INPP4A: variants seen among roughly 807,000 people sequenced by gnomAD.
The protein encoded by INPP4A is inositol polyphosphate-4-phosphatase, type I, 107kD.
A neutral mutation model predicts 119.8 loss-of-function variants in INPP4A; 33 were observed. That is an observed-to-expected ratio of 0.28 (90% CI 0.21 to 0.37). The LOEUF is 0.37. Ranked by LOEUF, INPP4A falls within the 10% of genes least tolerant of loss-of-function variation. INPP4A has a pLI of 1.00. For missense variants in INPP4A, 956 were observed against 1,289.9 expected (o/e 0.74, Z 3.97); for synonymous variants, 496 against 500.7 (o/e 0.99, Z 0.12).
chr2:98,474,702 A>C (rs1251642524), intron 1 of INPP4A, among the ~76,000 whole-genome samples: 1 of 152,216 alleles, frequency 6.6e-6, no homozygotes, highest in Non-Finnish European at 1.5e-5. Context: ...CTCTTTGCAG[A>C]TTGCCATCAG....
rs912745882 is a variant in INPP4A, at chr2:98,518,999, C to T, written c.-130C>T. 6.6e-6 allele frequency: 1 copy of T among 152,166 alleles called. No homozygotes were observed. Among genetic ancestry groups the T allele is most frequent in the Non-Finnish European group, 1.5e-5 (1 of 68,044 alleles). 9.4% of individuals were successfully genotyped at this position (152,166 alleles called of 1,614,324 possible). On this transcript the variant is annotated 5_prime_UTR_variant, in exon 2 of 25. Coordinates refer to ENST00000409851, the MANE Select transcript of INPP4A (RefSeq NM_001134225.2). Reference sequence around the variant, plus strand: ...TGGACATGCTTCTATGAAGAAATGCCACATGGTCCGAGAGCAAACATGTCC... The same window carrying T: ...TGGACATGCTTCTATGAAGAAATGCTACATGGTCCGAGAGCAAACATGTCC...
At chr2:98,479,857 A>G (rs1458661800) in intron 1 of INPP4A, among the ~76,000 whole-genome samples, 1 of 152,198 alleles carries the variant, frequency 6.6e-6, no homozygotes, top group Non-Finnish European at 1.5e-5. Context: ...TGTCTGGTAC[A>G]GGGGTCAGCT....
At chr2:98,529,517 C>T (rs1559013183) in intron 4 of INPP4A, among the ~76,000 whole-genome samples, 2 of 152,158 alleles carry the variant, frequency 1.3e-5, no homozygotes, top group Non-Finnish European at 1.5e-5. Context: ...AGGTGGATCA[C>T]GAGGTCAGGA....
At chr2:98,559,315 A>G in intron 16 of INPP4A, 148 bp from the exon 17 acceptor site, 1 of 815,558 alleles carries the variant, frequency 1.2e-6, no homozygotes, top group Non-Finnish European at 2.0e-6. Context: ...TTCTTGGGGA[A>G]GAGGCAGCCA....
rs1204028888 is a variant in INPP4A at position 98,587,568 on chromosome 2, A to G, written c.2879A>G (p.Tyr960Cys). 1 of 1,606,034 alleles carries G rather than the reference A, an allele frequency of 6.2e-7. No individual in the cohort carries two copies. The highest frequency in any genetic ancestry group is 8.5e-7 in the Non-Finnish European group (1 of 1,177,744). The change falls in exon 25 of 25, where the codon TAC (tyrosine) becomes TGC (cysteine). Residue 960 changes from tyrosine (Y) to cysteine (C), a missense_variant. Tyr to Cys is a radical substitution (Grantham distance 194). Transcript: ENST00000409851. Reference protein sequence around the residue: ...SLQLKAFPKHYRPPEGTYGKV... With the variant: ...SLQLKAFPKHCRPPEGTYGKV... ...CAGCTGAAGGCTTTCCCCAAGCATT[A>G]CAGGCCTCCCGAAGGGACTTACGGA...
chr2:98,584,657 C>A (rs1418846530), intron 24 of INPP4A, among the ~76,000 whole-genome samples: 2 of 152,254 alleles, frequency 1.3e-5, no homozygotes, highest in African/African-American at 4.8e-5. Flanking sequence ...AGATAAGGTT[C>A]TTTGTTTCTC....
chr2:98,534,441 G>C (rs1029416270), intron 5 of INPP4A, among the ~76,000 whole-genome samples: 5 of 152,170 alleles, frequency 3.3e-5, no homozygotes, highest in Non-Finnish European at 7.3e-5. Context: ...GGCTTCCTAG[G>C]GTGGGGCTTC....
chr2:98,533,580 C>A, intron 5 of INPP4A, 85 bp downstream of exon 5: 3 of 815,544 alleles, frequency 3.7e-6, no homozygotes, highest in Non-Finnish European at 6.4e-6. Flanking sequence ...ACTTGTGCAT[C>A]TGTAGCTGAA....
chr2:98,454,276 G>A (rs1233713473), intron 1 of INPP4A, among the ~76,000 whole-genome samples: 1 of 152,192 alleles, frequency 6.6e-6, no homozygotes, highest in South Asian at 2.1e-4. Flanking sequence ...ACACTGTCAG[G>A]ACAGTTCCCA....
intron 2 of INPP4A, 175 bp from the exon 3 acceptor site, chr2:98,519,771 A>T (rs1450394375): frequency 4.6e-6 from 2 of 435,200 alleles, no homozygotes; most frequent in Non-Finnish European, 8.4e-6. Flanking sequence ...GGGAGTGGGG[A>T]GGAAGAAGTG....
At chr2:98,479,583 G>A (rs901008743) in intron 1 of INPP4A, among the ~76,000 whole-genome samples, 11 of 152,166 alleles carry the variant, frequency 7.2e-5, no homozygotes, top group Non-Finnish European at 1.3e-4. Flanking sequence ...CAGAACCCAC[G>A]TATAACCTGC....
intron 1 of INPP4A, among the ~76,000 whole-genome samples, chr2:98,481,950 T>C (rs1377305582): frequency 1.3e-5 from 2 of 152,218 alleles, no homozygotes; most frequent in Admixed American, 6.5e-5. Flanking sequence ...GATTGTTTGA[T>C]GTCTTGTCCT....
At chr2:98,514,033 A>G (rs1251038675) in intron 1 of INPP4A, among the ~76,000 whole-genome samples, 1 of 152,198 alleles carries the variant, frequency 6.6e-6, no homozygotes, top group African/African-American at 2.4e-5. Context: ...ATCTGGCCCT[A>G]GGGGACCCAT....
At chr2:98,578,722 A>G (rs568960617) in intron 24 of INPP4A, among the ~76,000 whole-genome samples, 1 of 152,376 alleles carries the variant, frequency 6.6e-6, no homozygotes, top group South Asian at 2.1e-4. Context: ...AGCACTTTTT[A>G]TAACTTTTAC....
intron 19 of INPP4A, 73 bp from the exon 20 acceptor site, chr2:98,565,567 G>T: frequency 1.3e-6 from 2 of 1,509,452 alleles, no homozygotes; most frequent in Non-Finnish European, 1.8e-6. Flanking sequence ...CCTGGGCTTG[G>T]CTGCCTTCTG....
intron 1 of INPP4A, among the ~76,000 whole-genome samples, chr2:98,479,775 C>T (rs1678032278): frequency 6.6e-6 from 1 of 152,240 alleles, no homozygotes; most frequent in South Asian, 2.1e-4. Flanking sequence ...TCCTTTGTCC[C>T]TGTTTGACCA....
At chr2:98,549,059 G>C (rs1460386236) in intron 13 of INPP4A, 4 of 1,237,784 alleles carry the variant, frequency 3.2e-6, no homozygotes, top group Non-Finnish European at 2.3e-6. Context: ...CCTCCTGTGG[G>C]CTTCCCCTGC....
chr2:98,482,127 TA>T (rs1678597003), intron 1 of INPP4A, among the ~76,000 whole-genome samples: 1 of 152,246 alleles, frequency 6.6e-6, no homozygotes, highest in Non-Finnish European at 1.5e-5. Context: ...TATAATTTTT[TA>T]AACTTGAAAT....
At position 98,533,443 on chromosome 2, in the gene INPP4A, C is replaced by T; in HGVS notation, c.218C>T (p.Thr73Ile). ...AATAGTTTTGTTGCGGTGAGTGTCA[C>T]CACCCCTCCTCAGGCATTCTGGACG... is the stretch of plus-strand genomic sequence containing the variant. Reference protein sequence around the residue: ...KPNSFVAVSVTTPPQAFWTKH... With the variant: ...KPNSFVAVSVITPPQAFWTKH... The change falls in exon 5 of 25, where the codon ACC (threonine) becomes ATC (isoleucine). Residue 73 changes from threonine (T) to isoleucine (I), a missense_variant. Physicochemically the swap from Thr to Ile is moderately conservative, Grantham distance 89. Around this residue, in one of 2 missense-constraint regions of INPP4A, gnomAD observed 652 missense variants for 797.9 expected, o/e 0.82. Transcript: ENST00000409851. The T allele has an allele frequency of 6.2e-7, 1 of 1,613,588 alleles. No individual in the cohort carries two copies. The highest frequency in any genetic ancestry group is 8.5e-7 in the Non-Finnish European group (1 of 1,179,648).
Sources: allele counts gnomAD v4.1 joint callset (sites outside exome capture counted in the v4.1 genomes callset), GRCh38; gene constraint gnomAD v4.1.1; regional missense constraint gnomAD v4.1.1; transcripts MANE v1.5; gene names NCBI Gene and HGNC (gene_info 2026-07-23, HGNC 2026-07-21).